Variants in TMEM255B observed in about 807,000 individuals in gnomAD.
TMEM255B encodes the protein transmembrane protein 255B.
In TMEM255B, 35 loss-of-function variants were observed where a neutral mutation model predicts 34.5. That is an observed-to-expected ratio of 1.01 (90% CI 0.77 to 1.34). The LOEUF (loss-of-function observed/expected upper bound fraction) is 1.34. TMEM255B is among the 40% of genes most tolerant of loss of function. TMEM255B has a pLI of 0.00. For synonymous variants in TMEM255B, 206 were observed against 201.2 expected (o/e 1.02, Z -0.20); for missense variants, 432 against 433.2 (o/e 1.00, Z 0.02).
Position 113,814,933 on chromosome 13 carries a change from C to G in TMEM255B, c.*3030C>G, listed in dbSNP as rs1328840464. The stretch of plus-strand genomic sequence containing the variant: ...CTGGGGGGTTTGGGGTGCTGTGGCC[C>G]CACCTGCACTCCCTGCCTCACTGGG... On this transcript the variant is annotated 3_prime_UTR_variant, in exon 9 of 9. Coordinates refer to ENST00000375353, the MANE Select transcript of TMEM255B (RefSeq NM_182614.4). 6.6e-6 allele frequency: 1 copy of G among 151,778 alleles called. No individual in the cohort carries two copies. Among genetic ancestry groups the G allele is most frequent in the Non-Finnish European group, 1.5e-5 (1 of 68,000 alleles). 9.4% of individuals were successfully genotyped at this position (151,778 alleles called of 1,614,324 possible).
intron 4 of TMEM255B, among the ~76,000 whole-genome samples, chr13:113,795,520 AAC>A (rs567902006): frequency 1.4e-5 from 2 of 146,806 alleles, no homozygotes; most frequent in South Asian, 2.2e-4. Context: ...CACAGCACAC[AAC>A]ACACAGAGCA....
chr13:113,761,065 T>C (rs2050300396), intron 1 of TMEM255B: 2 of 478,742 alleles, frequency 4.2e-6, no homozygotes, highest in Admixed American at 6.4e-5. Flanking sequence ...ACCCTGGGCA[T>C]GTGTAAAATC....
chr13:113,783,605 G>A (rs1279829357), intron 3 of TMEM255B, among the ~76,000 whole-genome samples: 1 of 152,190 alleles, frequency 6.6e-6, no homozygotes, highest in East Asian at 1.9e-4. Flanking sequence ...TGGAGAAAGG[G>A]CCATGAACGC....
intron 3 of TMEM255B, among the ~76,000 whole-genome samples, chr13:113,776,936 C>T (rs1481932289): frequency 2.0e-5 from 3 of 152,140 alleles, no homozygotes; most frequent in South Asian, 2.1e-4. Context: ...GCATTGGTTA[C>T]GAGGTAGAGC....
chr13:113,811,871 C>T lies in TMEM255B; in HGVS notation c.949C>T (p.Pro317Ser), dbSNP rs760698367. The change falls in exon 9 of 9, where the codon CCG (proline) becomes TCG (serine). Residue 317 changes from proline (P) to serine (S), a missense_variant. By Grantham distance (74) the Pro-to-Ser change is moderately conservative (BLOSUM62 -1). Coordinates refer to ENST00000375353, the MANE Select transcript of TMEM255B (RefSeq NM_182614.4). ...GTGCTACGCACCCACCTACTTTCCC[C>T]CGGGGGAGAAGCCACCCCCCTACGC... Reference protein sequence around the residue: ...PPCYAPTYFPPGEKPPPYAP With the variant: ...PPCYAPTYFPSGEKPPPYAP 1.9e-6 allele frequency: 3 copies of T among 1,613,550 alleles called. No homozygotes were observed. The highest frequency in any genetic ancestry group is 2.2e-5 in the South Asian group (2 of 91,072).
chr13:113,777,960 C>T (rs531772669), intron 3 of TMEM255B, among the ~76,000 whole-genome samples: 2 of 152,298 alleles, frequency 1.3e-5, no homozygotes, highest in Middle Eastern at 3.4e-3. Context: ...GTTTCCTGGA[C>T]GACTGTGGAC....
rs1173033805 is a variant in TMEM255B, at chr13:113,806,263, A to G, written c.813+1235A>G. ...CCCCGAGGAGGGAGCAGGAACCAGC[A>G]CTCATGGAGATGGTGCGTCTGGGGG... On this transcript the variant is annotated intron_variant, in intron 8 of 8. Coordinates refer to ENST00000375353, the MANE Select transcript of TMEM255B (RefSeq NM_182614.4). The surrounding 1 kb of genome is among the most constrained non-coding windows in gnomAD (Gnocchi z 4.2). Among the ~76,000 whole-genome samples, 1 of 151,732 alleles carries G rather than the reference A, an allele frequency of 6.6e-6. No individual in the cohort carries two copies. The highest frequency in any genetic ancestry group is 1.5e-5 in the Non-Finnish European group (1 of 67,930).
intron 3 of TMEM255B, among the ~76,000 whole-genome samples, chr13:113,786,309 C>T (rs189085791): frequency 4.3e-4 from 65 of 152,000 alleles, no homozygotes; most frequent in African/African-American, 1.5e-3. Context: ...GCCATTGTCA[C>T]CTTCCCCACT....
chr13:113,792,426 G>A (rs1450069817), intron 3 of TMEM255B, among the ~76,000 whole-genome samples: 1 of 152,208 alleles, frequency 6.6e-6, no homozygotes, highest in African/African-American at 2.4e-5. Context: ...CACCTCAGTG[G>A]GCCCCAGTCC....
In TMEM255B at chr13:113,786,381, CCGTCACCAT is replaced by C. The variant is rs1246827430; in HGVS notation, c.253-8756_253-8748del. Among the ~76,000 whole-genome samples, 2 of 151,226 alleles carry C rather than the reference CCGTCACCAT, an allele frequency of 1.3e-5. 1 individual carries two copies. The highest frequency in any genetic ancestry group is 4.2e-4 in the South Asian group (2 of 4,750). ...GTAATTACCGTCTTCACTGTCATCA[CCGTCACCAT>C]CGTCACCATCCCCACTGTCATCACT... On this transcript the variant is annotated intron_variant, in intron 3 of 8. Transcript: ENST00000375353.
At chr13:113,763,622 G>A (rs1245721974) in intron 1 of TMEM255B, among the ~76,000 whole-genome samples, 1 of 152,128 alleles carries the variant, frequency 6.6e-6, no homozygotes, top group Non-Finnish European at 1.5e-5. Flanking sequence ...ATTGAAAAAA[G>A]ACCATAAGAT....
rs150210291 is a variant in TMEM255B at position 113,780,103 on chromosome 13, T to C, written c.252+10943T>C. ...AATTGTACCATTAAATACCTATGAG[T>C]TGGGTGAATTCCTCTCCTGTTGAGG... On this transcript the variant is annotated intron_variant, in intron 3 of 8. Coordinates refer to ENST00000375353, the MANE Select transcript of TMEM255B (RefSeq NM_182614.4). 3.4e-3 allele frequency among the ~76,000 whole-genome samples: 513 copies of C among 152,240 alleles called. 7 individuals are homozygous for C. The highest frequency in any genetic ancestry group is 0.018 in the East Asian group (91 of 5,186).
intron 2 of TMEM255B, among the ~76,000 whole-genome samples, chr13:113,766,818 C>T (rs1168846354): frequency 6.6e-6 from 1 of 152,206 alleles, no homozygotes; most frequent in Non-Finnish European, 1.5e-5. Context: ...TGACCTCATC[C>T]ACCCGTCAGG....
intron 3 of TMEM255B, among the ~76,000 whole-genome samples, chr13:113,784,941 G>T (rs771227892): frequency 4.0e-5 from 6 of 151,806 alleles, no homozygotes; most frequent in Non-Finnish European, 5.9e-5. Flanking sequence ...TCAAAGAGAG[G>T]TTTATTTTGG....
intron 7 of TMEM255B, 44 bp from the exon 8 acceptor site, chr13:113,804,841 C>T (rs372428489): frequency 1.3e-6 from 2 of 1,553,726 alleles, no homozygotes; most frequent in Non-Finnish European, 1.7e-6. Context: ...CCCTTCCCTC[C>T]ACTAGGGGGT....
chr13:113,810,354 G>A (rs1297335693), intron 8 of TMEM255B, among the ~76,000 whole-genome samples: 5 of 152,158 alleles, frequency 3.3e-5, no homozygotes, highest in Non-Finnish European at 7.4e-5. Context: ...GGGAAAAAAA[G>A]AAAAGAATTA....
Position 113,804,834 on chromosome 13 carries a change from T to C in TMEM255B, c.670-51T>C, listed in dbSNP as rs1468806392. The stretch of plus-strand genomic sequence containing the variant: ...GCTTTCTAGGAAGGCTGGACAGCCC[T>C]TCCCTCCACTAGGGGGTACACGCCG... On this transcript the variant is annotated intron_variant, in intron 7 of 8. Transcript: ENST00000375353. The C allele has an allele frequency of 2.0e-6, 3 of 1,520,876 alleles. No individual in the cohort carries two copies. In the African/African-American group the frequency reaches 4.1e-5, roughly 21 times the overall value. The allele number at this position is 1,520,876 out of a possible 1,614,324, so 94.2% of individuals were successfully genotyped here. A position where few individuals can be genotyped will look rare whatever the true frequency, so the allele number is the denominator to read the frequency against.
chr13:113,765,663 C>G (rs1029316543), intron 1 of TMEM255B, among the ~76,000 whole-genome samples: 3 of 152,192 alleles, frequency 2.0e-5, no homozygotes, highest in Non-Finnish European at 2.9e-5. Flanking sequence ...TTCCTCTCTC[C>G]CTGCCCCTCC....
rs111907702 is a variant in TMEM255B, at chr13:113,812,821, T to C, written c.*918T>C. 3,921 of 115,496 alleles carry C rather than the reference T, an allele frequency of 0.034. 74 individuals are homozygous for C. The highest frequency in any genetic ancestry group is 0.058 in the African/African-American group (1,596 of 27,428). 7.2% of individuals were successfully genotyped at this position (115,496 alleles called of 1,614,324 possible). ...CAGGTCTCAGGTGGGTCACAGGTCCTGAGTGGGTCACAGGTCCCGGGTGGG... is the reference window on the plus strand; with the variant it reads ...CAGGTCTCAGGTGGGTCACAGGTCCCGAGTGGGTCACAGGTCCCGGGTGGG... On this transcript the variant is annotated 3_prime_UTR_variant, in exon 9 of 9. Transcript: ENST00000375353.
Sources: allele counts gnomAD v4.1 joint callset (sites outside exome capture counted in the v4.1 genomes callset), GRCh38; gene constraint gnomAD v4.1.1; non-coding constraint Gnocchi (gnomAD v3.1); transcripts MANE v1.5; gene names NCBI Gene and HGNC (gene_info 2026-07-23, HGNC 2026-07-21).